Variants in PTPRR observed in about 807,000 individuals in gnomAD.
PTPRR encodes protein tyrosine phosphatase receptor type R.
PTPRR carries 38 observed loss-of-function variants against 77.2 expected under a neutral mutation model. The ratio of observed to expected loss-of-function variants is 0.49; its 90% CI spans 0.38 to 0.65. The LOEUF (loss-of-function observed/expected upper bound fraction) is 0.65, where lower values mean the gene tolerates loss of function less well. Among genes scored for constraint, PTPRR ranks in the 30% least tolerant of loss-of-function variants. PTPRR has a pLI of 0.00. For synonymous variants in PTPRR, 299 were observed against 283.1 expected (o/e 1.06, Z -0.57); for missense variants, 744 against 799.2 (o/e 0.93, Z 0.83).
intron 2 of PTPRR, among the ~76,000 whole-genome samples, chr12:70,809,772 C>A (rs891127044): frequency 6.6e-6 from 1 of 152,108 alleles, no homozygotes; most frequent in East Asian, 1.9e-4. Flanking sequence ...TTTCATCTAT[C>A]AATACGAACA....
At chr12:70,775,738 G>A (rs1272840341) in intron 2 of PTPRR, among the ~76,000 whole-genome samples, 1 of 151,966 alleles carries the variant, frequency 6.6e-6, no homozygotes, top group Non-Finnish European at 1.5e-5. Flanking sequence ...TGGACCAAAA[G>A]CTTGCTAGAA....
At chr12:70,916,180 T>A (rs887521148) in intron 1 of PTPRR, among the ~76,000 whole-genome samples, 1 of 152,130 alleles carries the variant, frequency 6.6e-6, no homozygotes, top group African/African-American at 2.4e-5. Context: ...TGAAATAGAA[T>A]AACCTCATTA....
intron 4 of PTPRR, among the ~76,000 whole-genome samples, chr12:70,759,730 A>G (rs1331707712): frequency 6.6e-6 from 1 of 151,658 alleles, no homozygotes; most frequent in Non-Finnish European, 1.5e-5. Context: ...TGTAGATGAA[A>G]CAACACATAC....
intron 13 of PTPRR, 89 bp downstream of exon 13, chr12:70,656,615 G>A: frequency 1.1e-6 from 1 of 894,390 alleles, no homozygotes; most frequent in South Asian, 1.4e-5. Flanking sequence ...GGACCTTGGA[G>A]CCTGAGATGT....
At chr12:70,886,376 T>A (rs1273589877) in intron 2 of PTPRR, among the ~76,000 whole-genome samples, 1 of 152,250 alleles carries the variant, frequency 6.6e-6, no homozygotes, top group Admixed American at 6.5e-5. Context: ...AACATTAAGT[T>A]AAGAGCAGAA....
At chr12:70,789,103 A>G in intron 2 of PTPRR, 1 of 439,446 alleles carries the variant, frequency 2.3e-6, no homozygotes, top group Non-Finnish European at 4.0e-6. Context: ...TTTTTTTTCC[A>G]TGGGAATTAG....
intron 2 of PTPRR, among the ~76,000 whole-genome samples, chr12:70,891,257 A>G (rs1233458326): frequency 6.6e-6 from 1 of 152,142 alleles, no homozygotes; most frequent in Non-Finnish European, 1.5e-5. Flanking sequence ...ACTAGACAGT[A>G]CATGACATTA....
intron 2 of PTPRR, among the ~76,000 whole-genome samples, chr12:70,778,298 T>C (rs1431844546): frequency 6.6e-6 from 1 of 152,180 alleles, no homozygotes; most frequent in Non-Finnish European, 1.5e-5. Flanking sequence ...GAGGCTAGTC[T>C]GTCTTGCCTT....
At chr12:70,827,004 G>T (rs7138751) in intron 2 of PTPRR, among the ~76,000 whole-genome samples, 3 of 152,088 alleles carry the variant, frequency 2.0e-5, no homozygotes, top group African/African-American at 7.2e-5. Flanking sequence ...CATTTACAGT[G>T]GGCTCCTTCT....
chr12:70,852,918 G>A (rs999661910), intron 2 of PTPRR, among the ~76,000 whole-genome samples: 4 of 152,074 alleles, frequency 2.6e-5, no homozygotes, highest in Non-Finnish European at 4.4e-5. Context: ...TATGATTTAC[G>A]GGCAGGATCT....
intron 12 of PTPRR, among the ~76,000 whole-genome samples, chr12:70,659,771 T>C (rs899770283): frequency 1.3e-5 from 2 of 152,120 alleles, no homozygotes; most frequent in African/African-American, 2.4e-5. Context: ...AAAAGGAGGC[T>C]AAAATTATAC....
intron 2 of PTPRR, among the ~76,000 whole-genome samples, chr12:70,859,426 T>C (rs1253337740): frequency 6.6e-6 from 1 of 152,096 alleles, no homozygotes; most frequent in Non-Finnish European, 1.5e-5. Context: ...AAGTTGTTTG[T>C]TGTTAATTGT....
At chr12:70,786,784 A>G (rs904925716) in intron 2 of PTPRR, among the ~76,000 whole-genome samples, 1 of 152,244 alleles carries the variant, frequency 6.6e-6, no homozygotes, top group Non-Finnish European at 1.5e-5. Context: ...GAAACACGGT[A>G]AAATGAAATG....
At chr12:70,868,481 A>T (rs1190052332) in intron 2 of PTPRR, among the ~76,000 whole-genome samples, 2 of 152,166 alleles carry the variant, frequency 1.3e-5, no homozygotes, top group African/African-American at 4.8e-5. Flanking sequence ...TCAAAACCAC[A>T]ATGAGATACC....
chr12:70,754,600 G>A (rs1890512173), intron 4 of PTPRR: 3 of 1,597,848 alleles, frequency 1.9e-6, no homozygotes, highest in South Asian at 1.1e-5. Flanking sequence ...TCATAGGTAA[G>A]AGAGTTCTGT....
intron 1 of PTPRR, among the ~76,000 whole-genome samples, chr12:70,899,669 A>C (rs1028268089): frequency 1.3e-5 from 2 of 151,480 alleles, no homozygotes; most frequent in Admixed American, 6.6e-5. Context: ...CAAGGCACCC[A>C]TACCATTCCT....
At chr12:70,654,899 C>A (rs2136660593) in intron 13 of PTPRR, among the ~76,000 whole-genome samples, 1 of 152,302 alleles carries the variant, frequency 6.6e-6, no homozygotes, top group African/African-American at 2.4e-5. Context: ...CCTGTTTTGG[C>A]CTGCCAAAGT....
At chr12:70,665,847 A>C (rs950136625) in intron 10 of PTPRR, among the ~76,000 whole-genome samples, 12 of 152,084 alleles carry the variant, frequency 7.9e-5, no homozygotes, top group African/African-American at 2.7e-4. Flanking sequence ...TTTAAATATC[A>C]GAGATATTGC....
At chr12:70,698,096 C>G (rs1186369391) in intron 8 of PTPRR, among the ~76,000 whole-genome samples, 169 bp downstream of exon 8, 2 of 151,982 alleles carry the variant, frequency 1.3e-5, no homozygotes, top group Non-Finnish European at 2.9e-5. Flanking sequence ...ACTTTAAGTT[C>G]TGGGATACAT....
Sources: allele counts gnomAD v4.1 joint callset (sites outside exome capture counted in the v4.1 genomes callset), GRCh38; gene constraint gnomAD v4.1.1; transcripts MANE v1.5; gene names NCBI Gene and HGNC (gene_info 2026-07-23, HGNC 2026-07-21).